NCKAP5: variants seen among roughly 807,000 people sequenced by gnomAD.
The protein encoded by NCKAP5 is nck-associated protein 5.
NCKAP5 carries 92 observed loss-of-function variants against 167.0 expected under a neutral mutation model. The ratio of observed to expected loss-of-function variants is 0.55; its 90% CI spans 0.47 to 0.66. The LOEUF (loss-of-function observed/expected upper bound fraction) is 0.66. NCKAP5 is among the 30% of genes least tolerant of loss of function. NCKAP5 has a pLI of 0.00. For missense variants in NCKAP5, 2,378 were observed against 2,315.0 expected (o/e 1.03, Z -0.56); for synonymous variants, 891 against 877.4 (o/e 1.02, Z -0.27).
chr2:132,818,828 A>T (rs1686486079), intron 11 of NCKAP5, among the ~76,000 whole-genome samples: 1 of 152,240 alleles, frequency 6.6e-6, no homozygotes. Context: ...CTCCAACAGA[A>T]ATTACAGACA....
chr2:132,729,053 G>A, intron 17 of NCKAP5, 101 bp from the exon 18 acceptor site: 3 of 1,487,364 alleles, frequency 2.0e-6, no homozygotes, highest in Non-Finnish European at 2.7e-6. Flanking sequence ...AATAAAAAAG[G>A]TCCAAATACA....
At chr2:132,971,376 G>T (rs1018826270) in intron 7 of NCKAP5, among the ~76,000 whole-genome samples, 14 of 152,192 alleles carry the variant, frequency 9.2e-5, no homozygotes, top group Non-Finnish European at 1.6e-4. Flanking sequence ...TCTCTGGGGA[G>T]GGAGATGAGG....
At chr2:133,031,596 G>T (rs1014315335) in intron 6 of NCKAP5, among the ~76,000 whole-genome samples, 2 of 151,840 alleles carry the variant, frequency 1.3e-5, no homozygotes, top group African/African-American at 4.8e-5. Context: ...CTGCTGGCGG[G>T]TGGGTGGGGC....
At position 132,817,947 on chromosome 2, in the gene NCKAP5, A is replaced by C. The variant is rs146983713; in HGVS notation, c.808-21218T>G. On this transcript the variant is annotated intron_variant, in intron 11 of 19. Transcript: ENST00000409261. The stretch of plus-strand genomic sequence containing the variant: ...TCTAAAGGTTAATGTTAAATTCTTT[A>C]TTTATTTATTTATTTTTTAAGACAG... 1.8e-3 allele frequency among the ~76,000 whole-genome samples: 273 copies of C among 152,232 alleles called. 2 individuals carry two copies. Among genetic ancestry groups the C allele is most frequent in the Admixed American group, 1.2e-3 (18 of 15,296 alleles).
At chr2:132,814,410 A>G (rs1686108246) in intron 11 of NCKAP5, among the ~76,000 whole-genome samples, 1 of 152,218 alleles carries the variant, frequency 6.6e-6, no homozygotes, top group Admixed American at 6.5e-5. Flanking sequence ...TTCAATATTA[A>G]CAGTGGGAAG....
In NCKAP5 at chr2:133,373,621, TGAATAA is replaced by T. The variant is rs750351368; in HGVS notation, c.70-70517_70-70512del. 3.6e-4 allele frequency among the ~76,000 whole-genome samples: 55 copies of T among 152,126 alleles called. 1 individual carries two copies. The highest frequency in any genetic ancestry group is 3.4e-3 in the Middle Eastern group (1 of 294). Reference sequence around the variant, plus strand: ...GAATAGTGAAAAATATCGAAGGAGATGAATAAAAGTTGAAGAACTGAGACCGTCTGA... The same window carrying T: ...GAATAGTGAAAAATATCGAAGGAGATAAGTTGAAGAACTGAGACCGTCTGA... On this transcript the variant is annotated intron_variant, in intron 3 of 19. Coordinates refer to ENST00000409261, the MANE Select transcript of NCKAP5 (RefSeq NM_207363.3).
chr2:132,913,374 T>A (rs1422574076), intron 8 of NCKAP5, among the ~76,000 whole-genome samples: 1 of 152,114 alleles, frequency 6.6e-6, no homozygotes, highest in Non-Finnish European at 1.5e-5. Context: ...CTATACTATT[T>A]ATTAGCTGTG....
chr2:132,931,874 T>A (rs534793040), intron 8 of NCKAP5, among the ~76,000 whole-genome samples: 21 of 152,248 alleles, frequency 1.4e-4, no homozygotes, highest in African/African-American at 3.4e-4. Flanking sequence ...AAATTGTAAG[T>A]TGAGAAAAAA....
chr2:133,617,478 C>G, the NCKAP5 span, among the ~76,000 whole-genome samples: 1 of 142,648 alleles, frequency 7.0e-6, no homozygotes, highest in Non-Finnish European at 1.5e-5. Flanking sequence ...AATCAATGTA[C>G]AAAAATCACA....
chr2:133,241,204 CCAGAAATT>C (rs2087689065), intron 4 of NCKAP5, among the ~76,000 whole-genome samples: 1 of 152,182 alleles, frequency 6.6e-6, no homozygotes. Context: ...TAACTTCATT[CCAGAAATT>C]GTTTGCTTTT....
chr2:133,582,257 A>G, the NCKAP5 span, among the ~76,000 whole-genome samples: 1 of 152,158 alleles, frequency 6.6e-6, no homozygotes, highest in Non-Finnish European at 1.5e-5. Context: ...CCCCAGACCT[A>G]CTGCATCAGG....
intron 11 of NCKAP5, among the ~76,000 whole-genome samples, chr2:132,817,362 A>T (rs1393488712): frequency 6.6e-6 from 1 of 152,172 alleles, no homozygotes; most frequent in Non-Finnish European, 1.5e-5. Flanking sequence ...TCATTTTATC[A>T]CACAGGCTGA....
chr2:133,600,742 T>C, the NCKAP5 span, among the ~76,000 whole-genome samples: 90,530 of 152,092 alleles, frequency 0.6, 28,195 homozygotes, highest in East Asian at 0.78. Context: ...GGCAGTCACA[T>C]TCACAGGCCC....
chr2:133,292,822 A>C (rs1239704874), intron 4 of NCKAP5, among the ~76,000 whole-genome samples: 1 of 152,212 alleles, frequency 6.6e-6, no homozygotes, highest in East Asian at 1.9e-4. Flanking sequence ...CCCCAGTTAC[A>C]TTAGGGATCA....
At chr2:133,419,382 A>G (rs1450159510) in intron 3 of NCKAP5, among the ~76,000 whole-genome samples, 2 of 152,202 alleles carry the variant, frequency 1.3e-5, no homozygotes, top group South Asian at 2.1e-4. Flanking sequence ...AATGGGGTAA[A>G]TATGGTTCAC....
intron 5 of NCKAP5, among the ~76,000 whole-genome samples, chr2:133,166,421 C>A (rs1260384172): frequency 6.6e-6 from 1 of 152,082 alleles, no homozygotes; most frequent in Non-Finnish European, 1.5e-5. Context: ...GCATTATATT[C>A]CCTAGAGTGG....
intron 1 of NCKAP5, among the ~76,000 whole-genome samples, chr2:133,563,963 AT>A (rs1311005092): frequency 6.6e-6 from 1 of 151,934 alleles, no homozygotes; most frequent in Non-Finnish European, 1.5e-5. Context: ...GTGAAACCCT[AT>A]CTCTACTAAA....
chr2:133,600,383 G>T, the NCKAP5 span, among the ~76,000 whole-genome samples: 2 of 152,068 alleles, frequency 1.3e-5, no homozygotes, highest in Non-Finnish European at 2.9e-5. Flanking sequence ...AGAGAAGTTG[G>T]CCTCTAGGGA....
intron 8 of NCKAP5, among the ~76,000 whole-genome samples, chr2:132,909,983 A>C (rs1300588338): frequency 1.3e-5 from 2 of 152,256 alleles, no homozygotes; most frequent in African/African-American, 4.8e-5. Flanking sequence ...CCCATTTTAC[A>C]GGCAACAATG....
Sources: allele counts gnomAD v4.1 joint callset (sites outside exome capture counted in the v4.1 genomes callset), GRCh38; gene constraint gnomAD v4.1.1; transcripts MANE v1.5; gene names NCBI Gene and HGNC (gene_info 2026-07-23, HGNC 2026-07-21).